The following ZNF366 variants were observed in gnomAD, a reference collection of about 807,000 sequenced individuals.
ZNF366 encodes the protein zinc finger protein 366.
ZNF366 carries 20 observed loss-of-function variants against 47.2 expected under a neutral mutation model. The ratio of observed to expected loss-of-function variants is 0.42; its 90% CI spans 0.30 to 0.62. ZNF366 has a LOEUF of 0.62. ZNF366 is among the 20% of genes least tolerant of loss of function. ZNF366 has a pLI of 0.16. For synonymous variants in ZNF366, 421 were observed against 395.1 expected (o/e 1.07, Z -0.78); for missense variants, 987 against 976.3 (o/e 1.01, Z -0.15).
At chr5:72,470,837 G>A (rs1414968224) in intron 1 of ZNF366, among the ~76,000 whole-genome samples, 1 of 152,228 alleles carries the variant, frequency 6.6e-6, no homozygotes, top group Non-Finnish European at 1.5e-5. Flanking sequence ...AGCAGGGACT[G>A]GGGTAGTGCT....
At chr5:72,458,698 G>A (rs1198687344) in intron 2 of ZNF366, among the ~76,000 whole-genome samples, 1 of 152,200 alleles carries the variant, frequency 6.6e-6, no homozygotes, top group Non-Finnish European at 1.5e-5. Context: ...TGCAGATCGG[G>A]AGTAGCTCTT....
At chr5:72,471,950 A>G (rs1213019672) in intron 1 of ZNF366, among the ~76,000 whole-genome samples, 1 of 152,176 alleles carries the variant, frequency 6.6e-6, no homozygotes, top group Non-Finnish European at 1.5e-5. Context: ...CCTCTGCCTA[A>G]GGTCTTTGGA....
rs1247766767 is a variant in ZNF366, at chr5:72,460,348, G to A, written c.1149C>T (p.His383=). Residue 383 remains histidine, a synonymous_variant, in exon 2 of 5, where the codon CAC becomes CAT. Coordinates refer to ENST00000318442, the MANE Select transcript of ZNF366 (RefSeq NM_152625.3). ...DFPTLAQLKR[H]LTTHRGPIQY... Reference sequence around the variant, plus strand: ...GGATGGGGCCCCGGTGCGTGGTGAGGTGTCTCTTCAGCTGGGCCAAGGTGG... The same window carrying A: ...GGATGGGGCCCCGGTGCGTGGTGAGATGTCTCTTCAGCTGGGCCAAGGTGG... 2.5e-6 allele frequency: 4 copies of A among 1,614,128 alleles called. No individual in the cohort carries two copies. The highest frequency in any genetic ancestry group is 2.7e-5 in the African/African-American group (2 of 74,948).
At position 72,473,157 on chromosome 5, in the gene ZNF366, C is replaced by A. The variant is rs78807069; in HGVS notation, c.-14-11647G>T. 8.6e-4 allele frequency among the ~76,000 whole-genome samples: 131 copies of A among 152,216 alleles called. 2 individuals carry two copies. In the East Asian group the frequency reaches 0.023, roughly 27 times the overall value. On this transcript the variant is annotated intron_variant, in intron 1 of 4. Transcript: ENST00000318442. ...AGTCTTAAGAGAATTTTGTTCTGTT[C>A]TTTTACAATAAATAGTAGATAAAAC...
intron 1 of ZNF366, among the ~76,000 whole-genome samples, chr5:72,479,561 A>G (rs1743745039): frequency 6.6e-6 from 1 of 152,232 alleles, no homozygotes; most frequent in Non-Finnish European, 1.5e-5. Flanking sequence ...GCTTCTATAA[A>G]TCAATCACAA....
intron 1 of ZNF366, among the ~76,000 whole-genome samples, chr5:72,495,679 A>G (rs1744098728): frequency 1.3e-5 from 2 of 152,204 alleles, no homozygotes; most frequent in African/African-American, 4.8e-5. Flanking sequence ...GGCAGGCGAG[A>G]GATGCTCATC....
At position 72,456,577 on chromosome 5, in the gene ZNF366, A is replaced by G; in HGVS notation, c.1351T>C (p.Cys451Arg). The change falls in exon 3 of 5, where the codon TGT (cysteine) becomes CGT (arginine). Residue 451 changes from cysteine (C) to arginine (R), a missense_variant. Physicochemically the swap from Cys to Arg is radical, Grantham distance 180. Transcript: ENST00000318442. ...GTGAACTCCCGCCCACAAATCCCAC[A>G]CTTATGCTCCTTCACACCCTGCAGG... is the stretch of plus-strand genomic sequence containing the variant. ...LTHKGVKEHKCGICGREFTLL... is the reference protein window; with the variant it reads ...LTHKGVKEHKRGICGREFTLL... The G allele has an allele frequency of 6.2e-7, 1 of 1,609,402 alleles. No individual in the cohort carries two copies. The highest frequency in any genetic ancestry group is 8.5e-7 in the Non-Finnish European group (1 of 1,176,402).
intron 3 of ZNF366, among the ~76,000 whole-genome samples, chr5:72,454,224 C>T (rs908093657): frequency 2.6e-5 from 4 of 152,134 alleles, no homozygotes; most frequent in African/African-American, 9.7e-5. Flanking sequence ...GTACATGCAC[C>T]ATCATTGGAG....
chr5:72,502,847 G>C (rs191159909), intron 1 of ZNF366, among the ~76,000 whole-genome samples: 57 of 152,300 alleles, frequency 3.7e-4, no homozygotes, highest in Non-Finnish European at 7.3e-5. Context: ...TATTCCACCG[G>C]GCGCAGTAGC....
intron 1 of ZNF366, among the ~76,000 whole-genome samples, chr5:72,481,614 G>T (rs893686099): frequency 6.6e-6 from 1 of 152,126 alleles, no homozygotes; most frequent in Non-Finnish European, 1.5e-5. Flanking sequence ...TTTCCCAAAA[G>T]ATCAACCTAA....
chr5:72,467,525 C>T (rs1743456253), intron 1 of ZNF366, among the ~76,000 whole-genome samples: 1 of 152,122 alleles, frequency 6.6e-6, no homozygotes, highest in Middle Eastern at 3.4e-3. Flanking sequence ...ATAAATATTC[C>T]CCAGATAAAA....
chr5:72,495,167 T>C (rs910494213), intron 1 of ZNF366, among the ~76,000 whole-genome samples: 1 of 152,170 alleles, frequency 6.6e-6, no homozygotes, highest in Non-Finnish European at 1.5e-5. Context: ...CAGTTCACAG[T>C]GGTAAAGAAT....
intron 1 of ZNF366, among the ~76,000 whole-genome samples, chr5:72,482,360 G>T (rs1285322483): frequency 6.6e-6 from 1 of 152,182 alleles, no homozygotes. Flanking sequence ...GTAAGAAGAA[G>T]TGTAGGGTCC....
intron 3 of ZNF366, among the ~76,000 whole-genome samples, chr5:72,449,277 G>A (rs907971407): frequency 5.7e-5 from 8 of 141,034 alleles, no homozygotes; most frequent in African/African-American, 1.1e-4. Context: ...ATGGAGTCTC[G>A]CTCTGTTGTC....
intron 1 of ZNF366, among the ~76,000 whole-genome samples, chr5:72,486,745 T>C (rs1220313515): frequency 2.0e-5 from 3 of 152,162 alleles, no homozygotes; most frequent in African/African-American, 7.2e-5. Flanking sequence ...TGCCATTTGT[T>C]ACTGCCTGGC....
At chr5:72,484,691 A>G (rs1743858812) in intron 1 of ZNF366, among the ~76,000 whole-genome samples, 1 of 152,140 alleles carries the variant, frequency 6.6e-6, no homozygotes, top group Non-Finnish European at 1.5e-5. Context: ...TTCAGGAGCG[A>G]TGACAAGAGA....
chr5:72,497,904 T>C (rs1189973746), intron 1 of ZNF366, among the ~76,000 whole-genome samples: 3 of 152,216 alleles, frequency 2.0e-5, no homozygotes, highest in Admixed American at 6.5e-5. Context: ...ATATTTCATT[T>C]TATGTGAAGT....
intron 1 of ZNF366, chr5:72,472,441 G>A (rs1435176729): frequency 2.6e-6 from 1 of 390,066 alleles, no homozygotes; most frequent in Non-Finnish European, 3.5e-6. Context: ...TGAAGGATGA[G>A]AGAAAAAGTT....
At chr5:72,498,346 C>T (rs748145136) in intron 1 of ZNF366, among the ~76,000 whole-genome samples, 69 of 152,230 alleles carry the variant, frequency 4.5e-4, no homozygotes, top group Admixed American at 1.8e-3. Context: ...CAACTTTCTC[C>T]GCTGATATAC....
Sources: gnomAD v4.1 joint callset for allele counts (sites outside exome capture counted in the v4.1 genomes callset) on GRCh38, gnomAD v4.1.1 for gene constraint, MANE v1.5 for transcripts, NCBI Gene and HGNC (gene_info 2026-07-23, HGNC 2026-07-21) for gene names.